HORMAD2: variants seen among roughly 807,000 people sequenced by gnomAD.
The protein encoded by HORMAD2 is HORMA domain containing 2.
A neutral mutation model predicts 38.8 loss-of-function variants in HORMAD2; 45 were observed. The observed-to-expected ratio is 1.16, with a 90% CI of 0.91 to 1.49. The LOEUF is 1.49. Ranked by LOEUF, HORMAD2 falls within the 40% of genes most tolerant of loss-of-function variation. The pLI is 0.00. For synonymous variants in HORMAD2, 126 were observed against 122.8 expected (o/e 1.03, Z -0.17); for missense variants, 338 against 367.0 (o/e 0.92, Z 0.65).
chr22:30,095,476 C>T (rs2068765309), intron 2 of HORMAD2, among the ~76,000 whole-genome samples: 1 of 152,132 alleles, frequency 6.6e-6, no homozygotes, highest in African/African-American at 2.4e-5. Flanking sequence ...TGGAGTTAGC[C>T]ATGTCCCCTG....
intron 10 of HORMAD2, among the ~76,000 whole-genome samples, chr22:30,163,355 G>GT (rs1455013629): frequency 6.6e-6 from 1 of 152,124 alleles, no homozygotes; most frequent in Admixed American, 6.6e-5. Context: ...TTCAAAGATT[G>GT]TATTACCTCA....
chr22:30,190,885 A>G, the HORMAD2 span, among the ~76,000 whole-genome samples: 1 of 152,242 alleles, frequency 6.6e-6, no homozygotes, highest in Non-Finnish European at 1.5e-5. Flanking sequence ...GAGTTACAAG[A>G]AAGAGCAAAG....
intron 10 of HORMAD2, among the ~76,000 whole-genome samples, chr22:30,168,144 A>G (rs1925896017): frequency 6.6e-6 from 1 of 152,136 alleles, no homozygotes. Flanking sequence ...TGCTTTTCCC[A>G]TTGTCCAAAT....
chr22:30,138,141 T>A (rs1923797749), intron 10 of HORMAD2, among the ~76,000 whole-genome samples: 1 of 152,220 alleles, frequency 6.6e-6, no homozygotes, highest in Non-Finnish European at 1.5e-5. Context: ...GTGGTTTTAA[T>A]TTGTATTTCT....
At chr22:30,102,512 T>C (rs1164657704) in intron 3 of HORMAD2, among the ~76,000 whole-genome samples, 2 of 152,192 alleles carry the variant, frequency 1.3e-5, no homozygotes, top group Non-Finnish European at 2.9e-5. Flanking sequence ...TATCCCTCAA[T>C]AGAGATACAG....
At chr22:30,132,581 T>C (rs1923363455) in intron 10 of HORMAD2, among the ~76,000 whole-genome samples, 1 of 151,374 alleles carries the variant, frequency 6.6e-6, no homozygotes, top group Admixed American at 6.6e-5. Context: ...CACACACACA[T>C]CATTCTTTCT....
At chr22:30,089,460 C>T (rs1462439652) in intron 1 of HORMAD2, among the ~76,000 whole-genome samples, 1 of 151,432 alleles carries the variant, frequency 6.6e-6, no homozygotes, top group East Asian at 1.9e-4. Context: ...TCACGCCGTT[C>T]TCCTGCCTCA....
chr22:30,090,255 C>T (rs1217677896), intron 1 of HORMAD2, among the ~76,000 whole-genome samples: 2 of 151,990 alleles, frequency 1.3e-5, no homozygotes, highest in East Asian at 1.9e-4. Context: ...CCCAGCTACT[C>T]GAGAGGCTGA....
Position 30,098,839 on chromosome 22 carries a change from G to A in HORMAD2, c.52-13G>A, listed in dbSNP as rs769060655. On this transcript the variant is annotated splice_polypyrimidine_tract_variant and intron_variant, in intron 2 of 10. Coordinates refer to ENST00000336726, the MANE Select transcript of HORMAD2 (RefSeq NM_152510.4). ...ATAATACTAATCTTTTTTCACCTCC[G>A]TTGTTTTTCCAGGAAACAGTTTTCC... 37 of 1,603,206 alleles carry A rather than the reference G, an allele frequency of 2.3e-5. No individual in the cohort carries two copies. In the South Asian group the frequency reaches 3.5e-4, roughly 15 times the overall value.
intron 1 of HORMAD2, among the ~76,000 whole-genome samples, chr22:30,088,146 CAT>C (rs1322030544): frequency 4.0e-5 from 6 of 148,378 alleles, no homozygotes; most frequent in East Asian, 1.9e-4. Context: ...TACATATACA[CAT>C]ATGTATACAC....
intron 10 of HORMAD2, among the ~76,000 whole-genome samples, chr22:30,129,211 C>G (rs1923090942): frequency 1.3e-5 from 1 of 77,852 alleles, no homozygotes; most frequent in African/African-American, 4.5e-5. Flanking sequence ...GAGTGAGACT[C>G]TATCTCAAAA....
downstream of HORMAD2, among the ~76,000 whole-genome samples, chr22:30,177,919 AT>A (rs1235811533): frequency 2.0e-5 from 3 of 151,776 alleles, no homozygotes; most frequent in Admixed American, 1.3e-4. Context: ...ACTTCAAGTA[AT>A]CCAGCCACCT....
chr22:30,129,328 G>A (rs1305941493), intron 10 of HORMAD2, among the ~76,000 whole-genome samples: 1 of 149,522 alleles, frequency 6.7e-6, no homozygotes, highest in African/African-American at 2.5e-5. Context: ...TATAGCCTGT[G>A]CCCTTTAGAA....
At chr22:30,119,168 A>G (rs981422701) in intron 8 of HORMAD2, 121 bp downstream of exon 8, 4 of 646,430 alleles carry the variant, frequency 6.2e-6, no homozygotes, top group Non-Finnish European at 5.4e-6. Flanking sequence ...CCTACAGAAA[A>G]CCACTATTAT....
rs557050744 is a variant in HORMAD2 at position 30,165,972 on chromosome 22, T to C, written c.820-10091T>C. On this transcript the variant is annotated intron_variant, in intron 10 of 10. Transcript: ENST00000336726. Reference sequence around the variant, plus strand: ...TTTATTTTTATTATTATTATTCTTTTTCTTTATTCTTCATTCTTCTTCTTT... The same window carrying C: ...TTTATTTTTATTATTATTATTCTTTCTCTTTATTCTTCATTCTTCTTCTTT... 1.5e-3 allele frequency among the ~76,000 whole-genome samples: 222 copies of C among 151,182 alleles called. 1 individual carries two copies. The highest frequency in any genetic ancestry group is 1.5e-3 in the Non-Finnish European group (105 of 67,824).
intron 5 of HORMAD2, among the ~76,000 whole-genome samples, chr22:30,110,910 C>CA (rs1368708756): frequency 6.6e-6 from 1 of 151,786 alleles, no homozygotes; most frequent in Non-Finnish European, 1.5e-5. Context: ...GTAATCCCAA[C>CA]ACTTTGGGAG....
At chr22:30,190,511 T>C in the HORMAD2 span, among the ~76,000 whole-genome samples, 10 of 152,208 alleles carry the variant, frequency 6.6e-5, 1 homozygote, top group Admixed American at 3.9e-4. Flanking sequence ...TTGGCACCTG[T>C]TTATGCCTCT....
chr22:30,121,500 A>G (rs1008526078), intron 8 of HORMAD2, 132 bp from the exon 9 acceptor site: 7 of 666,698 alleles, frequency 1.0e-5, no homozygotes, highest in African/African-American at 1.9e-5. Flanking sequence ...CCCCTAATTT[A>G]CATTCTAAAA....
chr22:30,094,737 C>T, intron 2 of HORMAD2, among the ~76,000 whole-genome samples: 1 of 152,062 alleles, frequency 6.6e-6, no homozygotes, highest in African/African-American at 2.4e-5. Context: ...TGAAGGTGGA[C>T]AGACCTTGAA....
Sources: allele counts gnomAD v4.1 joint callset (sites outside exome capture counted in the v4.1 genomes callset), GRCh38; gene constraint gnomAD v4.1.1; transcripts MANE v1.5; gene names NCBI Gene and HGNC (gene_info 2026-07-23, HGNC 2026-07-21).